ESR2: variants seen among roughly 807,000 people sequenced by gnomAD.
ESR2 encodes the protein estrogen receptor beta.
Under a neutral mutation model 49.6 loss-of-function variants are expected in ESR2, and 36 were observed. The ratio of observed to expected loss-of-function variants is 0.73; its 90% CI spans 0.56 to 0.96. The LOEUF (loss-of-function observed/expected upper bound fraction) is 0.96. Ranked by LOEUF, ESR2 falls within the 40% of genes least tolerant of loss-of-function variation. The pLI, the probability that ESR2 is intolerant of heterozygous loss-of-function variation, is 0.00. For synonymous variants in ESR2, 320 were observed against 266.1 expected, an observed-to-expected ratio of 1.20 and a Z score of -1.97; for missense variants, 714 against 693.0, an observed-to-expected ratio of 1.03 and a Z score of -0.34.
chr14:64,244,601 G>A (rs2075810411), intron 7 of ESR2, among the ~76,000 whole-genome samples: 1 of 152,100 alleles, frequency 6.6e-6, no homozygotes, highest in Admixed American at 6.5e-5. Context: ...TCCAGACCCT[G>A]GGACTCACAC....
intron 5 of ESR2, among the ~76,000 whole-genome samples, chr14:64,259,383 GC>G (rs1304563403): frequency 6.6e-6 from 1 of 152,162 alleles, no homozygotes. Flanking sequence ...TGCAGTCGCT[GC>G]CCTCCAGGCC....
intron 7 of ESR2, among the ~76,000 whole-genome samples, chr14:64,241,503 T>C (rs1038562227): frequency 6.6e-6 from 1 of 152,206 alleles, no homozygotes; most frequent in African/African-American, 2.4e-5. Flanking sequence ...CCTCCTGGGA[T>C]TTTTATCAGT....
chr14:64,320,628 C>T (rs1359470409), intron 1 of ESR2, among the ~76,000 whole-genome samples: 2 of 152,188 alleles, frequency 1.3e-5, no homozygotes, highest in Non-Finnish European at 2.9e-5. Flanking sequence ...CGCAGTGACT[C>T]ATGCCTGTAA....
intron 1 of ESR2, among the ~76,000 whole-genome samples, chr14:64,284,772 A>C (rs188878315): frequency 7.2e-5 from 11 of 152,124 alleles, no homozygotes; most frequent in Non-Finnish European, 1.2e-4. Context: ...TCATCAAGGC[A>C]CATTGGCTTT....
At position 64,261,235 on chromosome 14, in the gene ESR2, T is replaced by TA. The variant is rs202151765; in HGVS notation, c.653-488_653-487insT. ...TCTTTTTAATGCTTTTATTTTTCTTTTTTCTTTTTTTTTTTTTTTTGAGAC... is the reference window on the plus strand; with the variant it reads ...TCTTTTTAATGCTTTTATTTTTCTTTATTTCTTTTTTTTTTTTTTTTGAGAC... On this transcript the variant is annotated intron_variant, in intron 4 of 8. Transcript: ENST00000341099. Among the ~76,000 whole-genome samples the TA allele has an allele frequency of 2.4e-5, 2 of 84,074 alleles. 1 individual carries two copies. Among genetic ancestry groups the TA allele is most frequent in the African/African-American group, 9.6e-5 (2 of 20,780 alleles). 55.2% of individuals were successfully genotyped at this position (84,074 alleles called of 152,430 possible).
At chr14:64,250,633 G>A (rs904753272) in intron 6 of ESR2, among the ~76,000 whole-genome samples, 5 of 152,164 alleles carry the variant, frequency 3.3e-5, no homozygotes, top group African/African-American at 1.2e-4. Flanking sequence ...AAGGGCAGTG[G>A]GTTTATGCGA....
At chr14:64,310,286 A>AAAAAAAAAAAAAAAAAAAAAAT (rs1555595498) in intron 1 of ESR2, among the ~76,000 whole-genome samples, 4 of 142,466 alleles carry the variant, frequency 2.8e-5, no homozygotes, top group African/African-American at 1.1e-4. Flanking sequence ...TCGTCTCAAA[A>AAAAAAAAAAAAAAAAAAAAAAT]AATAATAATA....
At chr14:64,284,974 C>T (rs577859623) in intron 1 of ESR2, among the ~76,000 whole-genome samples, 5 of 152,054 alleles carry the variant, frequency 3.3e-5, no homozygotes, top group South Asian at 2.1e-4. Context: ...CTCAGCATCC[C>T]GAGTAGCTGG....
Position 64,282,939 on chromosome 14 carries a change from T to C in ESR2, c.47A>G (p.Tyr16Cys), listed in dbSNP as rs767986827. ...GGGTAAGATGGATTGACTGCAGTTG[T>C]AGGAGGAAGGAGAATTAAGGCTAGA... Reference protein sequence around the residue: ...SPSSLNSPSSYNCSQSILPLE... With the variant: ...SPSSLNSPSSCNCSQSILPLE... The change falls in exon 2 of 9, where the codon TAC (tyrosine) becomes TGC (cysteine). Residue 16 changes from tyrosine to cysteine, a missense_variant. Coordinates refer to ENST00000341099, the MANE Select transcript of ESR2 (RefSeq NM_001437.3). The C allele has an allele frequency of 6.2e-7, 1 of 1,614,020 alleles. No individual in the cohort carries two copies. Among genetic ancestry groups the C allele is most frequent in the Non-Finnish European group, 8.5e-7 (1 of 1,179,908 alleles).
intron 4 of ESR2, among the ~76,000 whole-genome samples, chr14:64,262,529 A>G (rs1204281626): frequency 6.6e-6 from 1 of 152,212 alleles, no homozygotes; most frequent in Non-Finnish European, 1.5e-5. Context: ...TTTTTTGGGA[A>G]GATAGAAGCT....
intron 7 of ESR2, among the ~76,000 whole-genome samples, chr14:64,238,752 G>GC (rs2075659033): frequency 7.1e-6 from 1 of 140,420 alleles, no homozygotes; most frequent in African/African-American, 3.0e-5. Flanking sequence ...AAGAAGTATA[G>GC]TTTAAAAAAA....
At chr14:64,227,789 G>GTATT, downstream of ESR2, 5 of 1,547,274 alleles carry the variant, frequency 3.2e-6, no homozygotes, top group Admixed American at 9.9e-5. Flanking sequence ...TCAAAGCTCA[G>GTATT]TGTATTCCCA....
At chr14:64,262,334 C>T (rs2076241033) in intron 4 of ESR2, among the ~76,000 whole-genome samples, 2 of 152,028 alleles carry the variant, frequency 1.3e-5, no homozygotes, top group East Asian at 1.9e-4. Flanking sequence ...AGGCTGGTCT[C>T]GAATTCCTGG....
chr14:64,326,998 A>G (rs1223125645), intron 1 of ESR2, among the ~76,000 whole-genome samples: 1 of 152,228 alleles, frequency 6.6e-6, no homozygotes, highest in Non-Finnish European at 1.5e-5. Context: ...CAAGATAACA[A>G]AAATTGTTTT....
rs2076518350 is a variant in ESR2, at chr14:64,274,527, C to CA, written c.535+5453dup. Among the ~76,000 whole-genome samples, 4 of 152,042 alleles carry CA rather than the reference C, an allele frequency of 2.6e-5. No individual in the cohort carries two copies. The South Asian group carries it at 8.3e-4, about 32-fold the overall frequency. On this transcript the variant is annotated intron_variant, in intron 3 of 8. Transcript: ENST00000341099. ...AAAATTAGTCTGGCTAAAGATCTGT[C>CA]AGGTTTATTTTCTCAAAAAAACCTT...
intron 7 of ESR2, among the ~76,000 whole-genome samples, chr14:64,238,859 C>G (rs1363840892): frequency 1.3e-5 from 2 of 152,128 alleles, no homozygotes; most frequent in Non-Finnish European, 2.9e-5. Context: ...CCTTTATCAG[C>G]TGGGAACAGC....
At chr14:64,265,585 T>C (rs1033454252) in intron 4 of ESR2, among the ~76,000 whole-genome samples, 1 of 152,202 alleles carries the variant, frequency 6.6e-6, no homozygotes, top group Non-Finnish European at 1.5e-5. Context: ...TATAAAGATA[T>C]GGCACCCAAA....
intron 1 of ESR2, among the ~76,000 whole-genome samples, chr14:64,328,590 A>G (rs1403965527): frequency 1.3e-5 from 2 of 152,312 alleles, no homozygotes; most frequent in East Asian, 3.9e-4. Flanking sequence ...ATCTCAGTCC[A>G]TTTGTGTTGC....
intron 6 of ESR2, among the ~76,000 whole-genome samples, chr14:64,253,604 G>GTGTGTGTA (rs375688515): frequency 0.013 from 1,816 of 142,828 alleles, 34 homozygotes; most frequent in African/African-American, 0.044. Flanking sequence ...GTGTGTGTGT[G>GTGTGTGTA]TATGTATGTG....
Sources: gnomAD v4.1 joint callset for allele counts (sites outside exome capture counted in the v4.1 genomes callset) on GRCh38, gnomAD v4.1.1 for gene constraint, MANE v1.5 for transcripts, NCBI Gene and HGNC (gene_info 2026-07-23, HGNC 2026-07-21) for gene names.